The following NRXN3 variants were observed in gnomAD, a reference collection of about 807,000 sequenced individuals.
NRXN3 encodes neurexin 3, also known as neurexin III.
In NRXN3, 32 loss-of-function variants were observed where a neutral mutation model predicts 137.6. The observed-to-expected ratio is 0.23, with a 90% confidence interval of 0.18 to 0.31. NRXN3 has a LOEUF of 0.31. Ranked by LOEUF, NRXN3 falls within the 10% of genes least tolerant of loss-of-function variation. The pLI is 1.00. For synonymous variants in NRXN3, 798 were observed against 784.5 expected (o/e 1.02, Z -0.29); for missense variants, 1,574 against 2,062.5 (o/e 0.76, Z 4.59).
intron 20 of NRXN3, among the ~76,000 whole-genome samples, chr14:79,811,231 C>T (rs925334748): frequency 6.6e-6 from 1 of 152,152 alleles, no homozygotes; most frequent in African/African-American, 2.4e-5. Flanking sequence ...CTCAGATCCA[C>T]TTAAACACTT....
chr14:79,061,653 G>A (rs1049587755), intron 15 of NRXN3, among the ~76,000 whole-genome samples: 1 of 152,188 alleles, frequency 6.6e-6, no homozygotes, highest in African/African-American at 2.4e-5. Flanking sequence ...GGCATAGCCT[G>A]CTTTTTTGAG....
chr14:78,949,539 G>A (rs1329226341), intron 10 of NRXN3, among the ~76,000 whole-genome samples: 1 of 151,752 alleles, frequency 6.6e-6, no homozygotes, highest in Non-Finnish European at 1.5e-5. Flanking sequence ...GCCATGCTTA[G>A]TTGTTGGGGA....
At chr14:79,211,648 T>C (rs1269636831) in intron 15 of NRXN3, among the ~76,000 whole-genome samples, 2 of 152,172 alleles carry the variant, frequency 1.3e-5, no homozygotes, top group African/African-American at 2.4e-5. Flanking sequence ...TCCTGTTCTC[T>C]TAATTGTTAT....
chr14:79,181,681 CAAAA>C (rs10658164), intron 15 of NRXN3, among the ~76,000 whole-genome samples: 33 of 97,518 alleles, frequency 3.4e-4, no homozygotes, highest in Non-Finnish European at 5.9e-4. Context: ...GACCCTGTCT[CAAAA>C]AAAAAAAAAA....
intron 20 of NRXN3, among the ~76,000 whole-genome samples, chr14:79,818,022 C>G (rs1385730362): frequency 6.8e-6 from 1 of 147,608 alleles, no homozygotes; most frequent in South Asian, 2.2e-4. Context: ...TTGATGTCAC[C>G]TATGCAATAA....
chr14:79,549,278 T>C (rs935060487), intron 16 of NRXN3, among the ~76,000 whole-genome samples: 27 of 152,008 alleles, frequency 1.8e-4, no homozygotes, highest in Non-Finnish European at 1.5e-5. Flanking sequence ...ACGGCTTTGA[T>C]GTAATGGGAA....
At chr14:78,325,416 C>G (rs912475279) in intron 4 of NRXN3, among the ~76,000 whole-genome samples, 28 of 150,696 alleles carry the variant, frequency 1.9e-4, no homozygotes, top group Non-Finnish European at 3.2e-4. Flanking sequence ...TGCATTCTGC[C>G]TCTACTACTG....
Position 79,297,280 on chromosome 14 carries a change from G to A in NRXN3, c.3263-169941G>A, listed in dbSNP as rs533210116. Among the ~76,000 whole-genome samples, 7 of 152,154 alleles carry A rather than the reference G, an allele frequency of 4.6e-5. No individual in the cohort carries two copies. The South Asian group carries it at 1.2e-3, about 27-fold the overall frequency. On this transcript the variant is annotated intron_variant, in intron 15 of 20. Transcript: ENST00000335750. ...CATTTCCTAAGTAGATTCCACTGGG[G>A]TTAGACAGGGTTGTTAGAAAATAAA...
intron 15 of NRXN3, among the ~76,000 whole-genome samples, chr14:79,329,126 T>C (rs993598472): frequency 9.9e-5 from 15 of 152,206 alleles, no homozygotes; most frequent in African/African-American, 2.9e-4. Flanking sequence ...CTTTAAGGAC[T>C]GTCAGCATCC....
chr14:78,773,254 T>C (rs1269211893), intron 8 of NRXN3, among the ~76,000 whole-genome samples: 1 of 152,208 alleles, frequency 6.6e-6, no homozygotes. Flanking sequence ...TTCAACCCTC[T>C]GAGTTTTTCC....
chr14:78,487,250 T>C (rs947011099), intron 4 of NRXN3, among the ~76,000 whole-genome samples: 1 of 152,188 alleles, frequency 6.6e-6, no homozygotes, highest in African/African-American at 2.4e-5. Context: ...CAGTTCTAAT[T>C]CCACCCTGAA....
intron 15 of NRXN3, among the ~76,000 whole-genome samples, chr14:79,026,950 TTATATATATATA>T (rs764640398): frequency 8.5e-4 from 115 of 135,048 alleles, no homozygotes; most frequent in African/African-American, 3.0e-3. Context: ...TATTATAATT[TTATATATATATA>T]TATATATATA....
intron 15 of NRXN3, among the ~76,000 whole-genome samples, chr14:79,076,417 G>A (rs2045978620): frequency 6.6e-6 from 1 of 152,140 alleles, no homozygotes; most frequent in African/African-American, 2.4e-5. Flanking sequence ...GTGACAGCCA[G>A]GGCTTCAGTC....
intron 14 of NRXN3, among the ~76,000 whole-genome samples, chr14:78,983,892 G>A (rs981847329): frequency 1.3e-5 from 2 of 150,808 alleles, no homozygotes; most frequent in Admixed American, 6.6e-5. Context: ...AGAAAAAAAG[G>A]CTGGAAATTC....
At chr14:79,800,612 T>G (rs1041692300) in intron 19 of NRXN3, among the ~76,000 whole-genome samples, 5 of 152,234 alleles carry the variant, frequency 3.3e-5, no homozygotes, top group Non-Finnish European at 7.3e-5. Context: ...GTTCTACTTA[T>G]AGCAATTCTA....
chr14:79,255,321 G>T (rs1193516667), intron 15 of NRXN3, among the ~76,000 whole-genome samples: 1 of 152,174 alleles, frequency 6.6e-6, no homozygotes, highest in Non-Finnish European at 1.5e-5. Context: ...GATTTTCCTA[G>T]CAGGGACTAA....
chr14:79,519,741 G>T (rs550322351), intron 16 of NRXN3, among the ~76,000 whole-genome samples: 3 of 148,270 alleles, frequency 2.0e-5, no homozygotes, highest in Non-Finnish European at 4.5e-5. Flanking sequence ...ATTACACTGT[G>T]ATCAGAAAAT....
Position 79,280,310 on chromosome 14 carries a change from G to A in NRXN3, c.3263-186911G>A, listed in dbSNP as rs141234557. 2.1e-3 allele frequency: 3,395 copies of A among 1,614,004 alleles called. 6 individuals are homozygous for A. The highest frequency in any genetic ancestry group is 2.6e-3 in the Non-Finnish European group (3,120 of 1,180,032). On this transcript the variant is annotated intron_variant, in intron 15 of 20. Coordinates refer to ENST00000335750, the MANE Select transcript of NRXN3 (RefSeq NM_001330195.2). ...GTTGACCATGCACCTGAGAATCCACGCGAGACGGAGCCCTCCTCGCCGGCC... is the reference window on the plus strand; with the variant it reads ...GTTGACCATGCACCTGAGAATCCACACGAGACGGAGCCCTCCTCGCCGGCC...
At chr14:79,585,915 C>G (rs2097762318) in intron 16 of NRXN3, among the ~76,000 whole-genome samples, 1 of 152,138 alleles carries the variant, frequency 6.6e-6, no homozygotes, top group African/African-American at 2.4e-5. Flanking sequence ...ATGCCCACAC[C>G]ACTGATTTCC....
Sources: allele counts gnomAD v4.1 joint callset (sites outside exome capture counted in the v4.1 genomes callset), GRCh38; gene constraint gnomAD v4.1.1; transcripts MANE v1.5; gene names NCBI Gene and HGNC (gene_info 2026-07-23, HGNC 2026-07-21).